SULF2: variants seen among roughly 807,000 people sequenced by gnomAD.
The protein encoded by SULF2 is extracellular sulfatase Sulf-2.
In SULF2, 52 loss-of-function variants were observed where a neutral mutation model predicts 107.7. The observed-to-expected ratio is 0.48, with a 90% CI of 0.39 to 0.61. SULF2 has a LOEUF of 0.61. Ranked by LOEUF, SULF2 falls within the 20% of genes least tolerant of loss-of-function variation. The probability of loss-of-function intolerance (pLI) is 0.00; values close to 1 mark genes in which losing one functional copy is unlikely to be tolerated. For synonymous variants in SULF2, 460 were observed against 464.3 expected (o/e 0.99, Z 0.12); for missense variants, 993 against 1,177.3 (o/e 0.84, Z 2.29).
At chr20:47,759,212 T>A (rs977351012) in intron 1 of SULF2, among the ~76,000 whole-genome samples, 1 of 152,202 alleles carries the variant, frequency 6.6e-6, no homozygotes, top group Non-Finnish European at 1.5e-5. Context: ...CTGCCGCACC[T>A]TCCCTGGCTG....
At position 47,708,443 on chromosome 20, in the gene SULF2, A is replaced by G. The variant is rs188274654; in HGVS notation, c.416-5773T>C. ...TAGGGTCCTGGAGACTGTCATGAGGAGTGGCAGGGTTCGTACCGCTCCTGG... is the reference window on the plus strand; with the variant it reads ...TAGGGTCCTGGAGACTGTCATGAGGGGTGGCAGGGTTCGTACCGCTCCTGG... On this transcript the variant is annotated intron_variant, in intron 3 of 20. Coordinates refer to ENST00000688720, the MANE Select transcript of SULF2 (RefSeq NM_001387048.1). 4.3e-3 allele frequency among the ~76,000 whole-genome samples: 653 copies of G among 152,248 alleles called. 4 individuals carry two copies. Among genetic ancestry groups the G allele is most frequent in the African/African-American group, 0.015 (622 of 41,548 alleles).
intron 10 of SULF2, chr20:47,672,704 T>C (rs2087518206): frequency 4.2e-6 from 1 of 240,824 alleles, no homozygotes; most frequent in African/African-American, 2.3e-5. Flanking sequence ...AGTTGGATCA[T>C]ATTACTCTCC....
At chr20:47,783,082 G>A (rs1200719638) in intron 1 of SULF2, among the ~76,000 whole-genome samples, 1 of 152,146 alleles carries the variant, frequency 6.6e-6, no homozygotes, top group Non-Finnish European at 1.5e-5. Flanking sequence ...GGCAACAATG[G>A]CAGTACTTAC....
intron 1 of SULF2, among the ~76,000 whole-genome samples, chr20:47,770,064 T>TG (rs1464929284): frequency 5.0e-5 from 7 of 138,690 alleles, no homozygotes; most frequent in Admixed American, 2.8e-4. Context: ...TTTTTTTTTT[T>TG]TTTTTTTTTT....
intron 2 of SULF2, among the ~76,000 whole-genome samples, chr20:47,754,167 C>T (rs1198696214): frequency 6.6e-6 from 1 of 152,146 alleles, no homozygotes; most frequent in Non-Finnish European, 1.5e-5. Context: ...ACAAGCCCCT[C>T]GTCTTGTGTA....
rs147472001 is a variant in SULF2, at chr20:47,698,378, G to T, written c.567+4141C>A. Among the ~76,000 whole-genome samples the T allele has an allele frequency of 3.3e-5, 5 of 152,276 alleles. No individual in the cohort carries two copies. The East Asian group carries it at 9.6e-4, about 29-fold the overall frequency. ...CTCCTGGCCACTCTGATTGGCTCAG[G>T]GACAGACATGGGACTGATCCAGAGC... On this transcript the variant is annotated intron_variant, in intron 4 of 20. Coordinates refer to ENST00000688720, the MANE Select transcript of SULF2 (RefSeq NM_001387048.1).
chr20:47,749,796 C>A (rs1049414420), intron 2 of SULF2, among the ~76,000 whole-genome samples: 3 of 152,200 alleles, frequency 2.0e-5, no homozygotes. Context: ...TGGGGAGGGT[C>A]TCAGATTCAG....
At position 47,672,460 on chromosome 20, in the gene SULF2, AC is replaced by A. The variant is rs563543247; in HGVS notation, c.1381-68del. 5.2e-5 allele frequency: 77 copies of A among 1,478,602 alleles called. No individual in the cohort carries two copies. In the African/African-American group the frequency reaches 1.0e-3, roughly 19 times the overall value. 91.6% of individuals were successfully genotyped at this position (1,478,602 alleles called of 1,614,324 possible). ...CCCCTAAACCCGCCTCTCCCCTGCCACCCCCATCCACCCTGGAGACATCCCT... is the reference window on the plus strand; with the variant it reads ...CCCCTAAACCCGCCTCTCCCCTGCCACCCCATCCACCCTGGAGACATCCCT... On this transcript the variant is annotated intron_variant, in intron 10 of 20. Coordinates refer to ENST00000688720, the MANE Select transcript of SULF2 (RefSeq NM_001387048.1).
chr20:47,753,330 C>T (rs1476056632), intron 2 of SULF2, among the ~76,000 whole-genome samples: 1 of 152,100 alleles, frequency 6.6e-6, no homozygotes, highest in Non-Finnish European at 1.5e-5. Flanking sequence ...CCAAGTGGTC[C>T]CCATGTAAGT....
intron 18 of SULF2, among the ~76,000 whole-genome samples, chr20:47,660,612 T>A (rs755281927): frequency 1.2e-4 from 18 of 152,116 alleles, no homozygotes; most frequent in South Asian, 2.1e-4. Flanking sequence ...TTTAATATAT[T>A]TTTTTTATTT....
chr20:47,731,182 C>CTTTTTTTTT (rs1342480404), intron 3 of SULF2, among the ~76,000 whole-genome samples: 4 of 99,594 alleles, frequency 4.0e-5, no homozygotes, highest in South Asian at 3.4e-4. Flanking sequence ...TCACCTGTAT[C>CTTTTTTTTT]TTCTCTTTTT....
intron 2 of SULF2, among the ~76,000 whole-genome samples, chr20:47,738,151 G>A (rs761618270): frequency 2.0e-5 from 3 of 152,310 alleles, no homozygotes; most frequent in African/African-American, 4.8e-5. Context: ...GCCCTACTGC[G>A]TGCAGGCCAA....
chr20:47,695,012 C>T (rs1016128273), intron 4 of SULF2, among the ~76,000 whole-genome samples: 4 of 152,190 alleles, frequency 2.6e-5, no homozygotes, highest in Admixed American at 6.5e-5. Flanking sequence ...TTTTTCTCCC[C>T]GCCACAGATA....
intron 1 of SULF2, among the ~76,000 whole-genome samples, chr20:47,767,268 T>C (rs2146953518): frequency 6.6e-6 from 1 of 152,366 alleles, no homozygotes; most frequent in South Asian, 2.1e-4. Flanking sequence ...ATGCAGCAAG[T>C]GCCCAATAAA....
At chr20:47,781,881 G>A (rs1418287449) in intron 1 of SULF2, among the ~76,000 whole-genome samples, 1 of 152,184 alleles carries the variant, frequency 6.6e-6, no homozygotes, top group Non-Finnish European at 1.5e-5. Flanking sequence ...GAGCTGGAGA[G>A]ACATCAGCCT....
intron 3 of SULF2, among the ~76,000 whole-genome samples, chr20:47,724,491 GCCTAA>G (rs2089384163): frequency 6.6e-6 from 1 of 152,216 alleles, no homozygotes; most frequent in Non-Finnish European, 1.5e-5. Context: ...GGCTGCCTGT[GCCTAA>G]TTAAATGCTG....
intron 13 of SULF2, 83 bp from the exon 14 acceptor site, chr20:47,665,376 C>CCTG (rs2087226531): frequency 2.2e-6 from 2 of 928,722 alleles, no homozygotes; most frequent in Non-Finnish European, 3.6e-6. Context: ...CCCCACGCTG[C>CCTG]CGTGTCTGTG....
chr20:47,785,181 G>A (rs2090902374), intron 1 of SULF2, among the ~76,000 whole-genome samples, 162 bp downstream of exon 1: 1 of 91,752 alleles, frequency 1.1e-5, no homozygotes, highest in African/African-American at 4.2e-5. Context: ...ACCCACCTCC[G>A]CAAGCAGCGC....
At chr20:47,730,722 A>C (rs1174278528) in intron 3 of SULF2, among the ~76,000 whole-genome samples, 1 of 152,162 alleles carries the variant, frequency 6.6e-6, no homozygotes, top group Non-Finnish European at 1.5e-5. Flanking sequence ...TGCTGGGATT[A>C]CAGGCGTGAG....
Sources: allele counts gnomAD v4.1 joint callset (sites outside exome capture counted in the v4.1 genomes callset), GRCh38; gene constraint gnomAD v4.1.1; transcripts MANE v1.5; gene names NCBI Gene and HGNC (gene_info 2026-07-23, HGNC 2026-07-21).